The following DENND2B variants were observed in gnomAD, a reference collection of about 807,000 sequenced individuals.
DENND2B encodes DENN domain-containing protein 2B.
In DENND2B, 32 loss-of-function variants were observed where a neutral mutation model predicts 116.0. The ratio of observed to expected loss-of-function variants is 0.28; its 90% CI spans 0.21 to 0.37. The LOEUF is 0.37. Among genes scored for constraint, DENND2B ranks in the 10% least tolerant of loss-of-function variants. The probability of loss-of-function intolerance (pLI) is 1.00; values close to 1 mark genes in which losing one functional copy is unlikely to be tolerated. For missense variants in DENND2B, 1,276 were observed against 1,477.7 expected, an observed-to-expected ratio of 0.86 and a Z score of 2.24; for synonymous variants, 588 against 583.9, an observed-to-expected ratio of 1.01 and a Z score of -0.10.
intron 2 of DENND2B, among the ~76,000 whole-genome samples, chr11:8,749,069 G>C (rs1348586408): frequency 1.3e-5 from 2 of 152,174 alleles, no homozygotes; most frequent in African/African-American, 4.8e-5. Context: ...CACTCCTACA[G>C]TAGTGTGATA....
intron 1 of DENND2B, among the ~76,000 whole-genome samples, chr11:8,806,309 G>C (rs1412043581): frequency 6.6e-6 from 1 of 152,162 alleles, no homozygotes; most frequent in East Asian, 1.9e-4. Context: ...GTCACACAGA[G>C]GAAGAGTCTG....
At chr11:8,736,467 T>C (rs2133960775) in intron 2 of DENND2B, among the ~76,000 whole-genome samples, 1 of 152,032 alleles carries the variant, frequency 6.6e-6, no homozygotes, top group East Asian at 1.9e-4. Flanking sequence ...TTGTTTAGAG[T>C]GAGCAGGTAA....
At chr11:8,724,236 C>CAGTG (rs1221397695) in intron 4 of DENND2B, among the ~76,000 whole-genome samples, 3 of 151,604 alleles carry the variant, frequency 2.0e-5, no homozygotes, top group Non-Finnish European at 4.4e-5. Context: ...GCGGAGCTTG[C>CAGTG]AGTGAGCCGA....
At chr11:8,889,317 G>C (rs2742535) in intron 1 of DENND2B, among the ~76,000 whole-genome samples, 136,428 of 152,240 alleles carry the variant, frequency 0.9, 62,992 homozygotes, top group East Asian at 1. Context: ...CCAGCATGAG[G>C]GACACAGAAG....
intron 2 of DENND2B, among the ~76,000 whole-genome samples, chr11:8,867,740 G>A (rs1038784587): frequency 6.6e-6 from 1 of 151,828 alleles, no homozygotes; most frequent in African/African-American, 2.4e-5. Flanking sequence ...ATGCCAACAT[G>A]CATGATTAAT....
At chr11:8,886,932 G>T (rs772596263) in intron 1 of DENND2B, among the ~76,000 whole-genome samples, 1 of 152,060 alleles carries the variant, frequency 6.6e-6, no homozygotes, top group African/African-American at 2.4e-5. Flanking sequence ...GGGTTCAAGC[G>T]ATTCTCCTGC....
intron 1 of DENND2B, among the ~76,000 whole-genome samples, chr11:8,805,826 G>A (rs1220870472): frequency 6.6e-6 from 1 of 152,066 alleles, no homozygotes; most frequent in Non-Finnish European, 1.5e-5. Flanking sequence ...ATACTTCTGC[G>A]TTCCTCCCCA....
At chr11:8,697,150 A>C (rs765521997) in intron 17 of DENND2B, among the ~76,000 whole-genome samples, 18 of 152,246 alleles carry the variant, frequency 1.2e-4, no homozygotes, top group Non-Finnish European at 2.4e-4. Flanking sequence ...TGAACATGGA[A>C]GTTGAAACAT....
At chr11:8,735,391 C>T (rs2048843639) in intron 2 of DENND2B, among the ~76,000 whole-genome samples, 1 of 152,148 alleles carries the variant, frequency 6.6e-6, no homozygotes, top group African/African-American at 2.4e-5. Context: ...TACATGAGTG[C>T]GCCCAGGGGA....
intron 1 of DENND2B, among the ~76,000 whole-genome samples, chr11:8,902,925 T>A (rs1049942275): frequency 6.6e-6 from 1 of 152,160 alleles, no homozygotes; most frequent in Non-Finnish European, 1.5e-5. Flanking sequence ...AGTGGTGCAA[T>A]CTCGGCTCAC....
intron 1 of DENND2B, among the ~76,000 whole-genome samples, chr11:8,782,190 G>T (rs765802168): frequency 2.6e-5 from 4 of 152,036 alleles, no homozygotes; most frequent in Non-Finnish European, 4.4e-5. Context: ...TAAACCAAAT[G>T]ATTTTACACA....
intron 2 of DENND2B, among the ~76,000 whole-genome samples, chr11:8,745,468 G>A (rs1344529868): frequency 6.6e-6 from 1 of 152,274 alleles, no homozygotes; most frequent in Middle Eastern, 3.4e-3. Context: ...TTTTGCATCT[G>A]GGAAAGATGT....
chr11:8,727,899 G>GT (rs2047358030), intron 3 of DENND2B, among the ~76,000 whole-genome samples: 2 of 134,552 alleles, frequency 1.5e-5, no homozygotes, highest in Non-Finnish European at 3.3e-5. Context: ...TTTCTCCCCA[G>GT]GTTTTTTTTT....
At chr11:8,727,039 C>T (rs187787450) in intron 3 of DENND2B, among the ~76,000 whole-genome samples, 2 of 152,304 alleles carry the variant, frequency 1.3e-5, no homozygotes. Context: ...TCCTAAGACA[C>T]CCTGAGCCTA....
At chr11:8,759,039 C>T (rs2054110932) in intron 1 of DENND2B, among the ~76,000 whole-genome samples, 1 of 152,164 alleles carries the variant, frequency 6.6e-6, no homozygotes. Flanking sequence ...CCAGCCTTCA[C>T]CAGACAACTC....
At chr11:8,701,353 GGGGGGGA>G (rs56855097) in intron 14 of DENND2B, among the ~76,000 whole-genome samples, 23,784 of 89,614 alleles carry the variant, frequency 0.27, 6,110 homozygotes, top group Non-Finnish European at 0.31. Context: ...CCGGGGGGGG[GGGGGGGA>G]GGGGCTACAT....
At chr11:8,820,052 G>A (rs1424775254) in intron 4 of DENND2B, among the ~76,000 whole-genome samples, 2 of 152,086 alleles carry the variant, frequency 1.3e-5, no homozygotes, top group Non-Finnish European at 2.9e-5. Flanking sequence ...ATGGTTACAG[G>A]AAAAAATCAT....
chr11:8,854,974 CA>C (rs2063143855), intron 3 of DENND2B, among the ~76,000 whole-genome samples: 2 of 151,894 alleles, frequency 1.3e-5, no homozygotes, highest in Admixed American at 6.6e-5. Flanking sequence ...GGCTTCTCTA[CA>C]AAAAAATTTT....
intron 2 of DENND2B, chr11:8,877,652 T>G (rs960729374): frequency 2.0e-5 from 3 of 152,210 alleles, no homozygotes; most frequent in African/African-American, 7.2e-5. Flanking sequence ...ATGATCTATA[T>G]TTGTCACTGA....
Sources: allele counts gnomAD v4.1 joint callset (sites outside exome capture counted in the v4.1 genomes callset), GRCh38; gene constraint gnomAD v4.1.1; transcripts MANE v1.5; gene names NCBI Gene and HGNC (gene_info 2026-07-23, HGNC 2026-07-21).